Variants in CCT8 observed in about 807,000 individuals in gnomAD.
CCT8 encodes T-complex protein 1 subunit theta.
In CCT8, 10 loss-of-function variants were observed where a neutral mutation model predicts 65.7. The observed-to-expected ratio is 0.15, with a 90% CI of 0.09 to 0.26. The LOEUF (loss-of-function observed/expected upper bound fraction) is 0.26. Ranked by LOEUF, CCT8 falls within the 10% of genes least tolerant of loss-of-function variation. CCT8 has a pLI of 1.00. For missense variants in CCT8, 568 were observed against 669.1 expected (o/e 0.85, Z 1.67); for synonymous variants, 199 against 221.8 (o/e 0.90, Z 0.92).
chr21:29,069,478 T>A lies in CCT8; in HGVS notation c.176A>T (p.His59Leu). ...GTTTGTCACAAACAACTTCTCCAAG[T>A]GGTTGATAACCATTTTGTTCATTCC... is the stretch of plus-strand genomic sequence containing the variant. ...PNGMNKMVIN[H>L]LEKLFVTNDA... is the part of the protein sequence containing the mutation. The change falls in exon 3 of 15, where the codon CAC (histidine) becomes CTC (leucine). Residue 59 changes from histidine to leucine, a missense_variant. Coordinates refer to ENST00000286788, the MANE Select transcript of CCT8 (RefSeq NM_006585.4). 2 of 1,578,938 alleles carry A rather than the reference T, an allele frequency of 1.3e-6. No individual in the cohort carries two copies. The highest frequency in any genetic ancestry group is 1.7e-6 in the Non-Finnish European group (2 of 1,164,546).
intron 7 of CCT8, among the ~76,000 whole-genome samples, chr21:29,064,478 A>G (rs563607135): frequency 5.3e-5 from 8 of 150,178 alleles, no homozygotes; most frequent in African/African-American, 1.9e-4. Context: ...AAATGACCAG[A>G]CCCCCCTCAT....
At chr21:29,067,730 TA>T in intron 3 of CCT8, 25 bp from the exon 4 acceptor site, 1 of 1,332,932 alleles carries the variant, frequency 7.5e-7, no homozygotes, top group Admixed American at 3.0e-5. Context: ...AATATCAAGT[TA>T]AACATCTGAT....
At chr21:29,071,628 C>T (rs2085681353) in intron 1 of CCT8, among the ~76,000 whole-genome samples, 1 of 152,066 alleles carries the variant, frequency 6.6e-6, no homozygotes, top group Admixed American at 6.5e-5. Flanking sequence ...CTCAAGTGAT[C>T]CACTGACCTC....
In CCT8 at chr21:29,062,248, C is replaced by G; in HGVS notation, c.1097-5G>C. 1 of 1,611,008 alleles carries G rather than the reference C, an allele frequency of 6.2e-7. No individual in the cohort carries two copies. The highest frequency in any genetic ancestry group is 8.5e-7 in the Non-Finnish European group (1 of 1,177,536). On this transcript the variant is annotated splice_polypyrimidine_tract_variant and splice_region_variant and intron_variant, in intron 10 of 14. Coordinates refer to ENST00000286788, the MANE Select transcript of CCT8 (RefSeq NM_006585.4). ...AAATGGCGCCATCTTCCTTTTCTAT[C>G]AAAAAATTAAATATATTTGGTGATT...
chr21:29,073,450 T>G, intron 1 of CCT8, 81 bp downstream of exon 1: 2 of 1,607,002 alleles, frequency 1.2e-6, no homozygotes, highest in Non-Finnish European at 1.7e-6. Flanking sequence ...GCTCAGCCCG[T>G]TAGTAGGCCC....
Position 29,063,493 on chromosome 21 carries a change from T to C in CCT8, c.800A>G (p.Asn267Ser). Reference sequence around the variant, plus strand: ...GAGGTTTTCTTCTCCCTTACTAAAATTCATCAATTCTTCAGCAGTCTTTAT... The same window carrying C: ...GAGGTTTTCTTCTCCCTTACTAAAACTCATCAATTCTTCAGCAGTCTTTAT... ...VLIKTAEELMNFSKGEENLMD... is the reference protein window; with the variant it reads ...VLIKTAEELMSFSKGEENLMD... Residue 267 changes from asparagine (N) to serine (S), a missense_variant, in exon 8 of 15, where the codon AAT becomes AGT. Physicochemically the swap from Asn to Ser is conservative, Grantham distance 46. Transcript: ENST00000286788. 1 of 1,613,972 alleles carries C rather than the reference T, an allele frequency of 6.2e-7. No homozygotes were observed. Among genetic ancestry groups the C allele is most frequent in the Non-Finnish European group, 8.5e-7 (1 of 1,180,016 alleles).
At chr21:29,070,170 T>A in intron 2 of CCT8, 77 bp downstream of exon 2, 1 of 854,588 alleles carries the variant, frequency 1.2e-6, no homozygotes, top group Non-Finnish European at 1.8e-6. Context: ...CATAACATCC[T>A]CAGAACAAGT....
intron 3 of CCT8, among the ~76,000 whole-genome samples, chr21:29,068,472 T>C (rs28375019): frequency 6.6e-6 from 1 of 152,038 alleles, no homozygotes; most frequent in African/African-American, 2.4e-5. Flanking sequence ...TTTTTTTTTC[T>C]TTTTTGAGAT....
Position 29,072,200 on chromosome 21 carries a change from TACAG to T in CCT8, c.60+1327_60+1330del, listed in dbSNP as rs2085688616. The T allele has an allele frequency of 6.4e-6, 3 of 467,792 alleles. No individual in the cohort carries two copies. The Admixed American group carries it at 1.2e-4, about 18-fold the overall frequency. The allele number at this position is 467,792 out of a possible 1,614,324, so 29.0% of individuals were successfully genotyped here. ...TTCTGTCTATTCCTGATCCTTCTTTTACAGACATTTTTACCTCCTGTCATCCTCT... is the reference window on the plus strand; with the variant it reads ...TTCTGTCTATTCCTGATCCTTCTTTTACATTTTTACCTCCTGTCATCCTCT... On this transcript the variant is annotated intron_variant, in intron 1 of 14. Transcript: ENST00000286788.
Position 29,073,637 on chromosome 21 carries a change from G to C in CCT8, c.-47C>G, listed in dbSNP as rs936922097. 1.3e-6 allele frequency: 2 copies of C among 1,572,504 alleles called. No individual in the cohort carries two copies. The highest frequency in any genetic ancestry group is 8.7e-7 in the Non-Finnish European group (1 of 1,143,688). On this transcript the variant is annotated 5_prime_UTR_variant, in exon 1 of 15. Transcript: ENST00000286788. ...TCACGCGACCGCTCGGAAGACCGCG[G>C]AGGAAGCGAGGAGCACGCACAGCCT... is the stretch of plus-strand genomic sequence containing the variant.
intron 11 of CCT8, among the ~76,000 whole-genome samples, chr21:29,061,921 C>G (rs913977583): frequency 1.3e-5 from 2 of 152,168 alleles, no homozygotes; most frequent in Non-Finnish European, 2.9e-5. Flanking sequence ...TTGCTGTTAA[C>G]TCCTCTGTAC....
chr21:29,059,153 T>C (rs951076271), intron 14 of CCT8, among the ~76,000 whole-genome samples: 2 of 152,252 alleles, frequency 1.3e-5, no homozygotes, highest in African/African-American at 2.4e-5. Flanking sequence ...ACTAGTGAAA[T>C]AGACATTCCA....
chr21:29,059,092 C>T (rs185615619), intron 14 of CCT8, among the ~76,000 whole-genome samples: 2 of 152,224 alleles, frequency 1.3e-5, no homozygotes, highest in Non-Finnish European at 2.9e-5. Flanking sequence ...AACTGTCATT[C>T]TAACAAGTTC....
rs1234775599 is a variant in CCT8, at chr21:29,071,905, A to C, written c.61-1568T>G. The C allele has an allele frequency of 1.1e-5, 8 of 695,820 alleles. No individual in the cohort carries two copies. In the South Asian group the frequency reaches 1.2e-4, roughly 11 times the overall value. 43.1% of individuals were successfully genotyped at this position (695,820 alleles called of 1,614,324 possible). ...ATGCAAATCCCTTTTCAAGGAAACA[A>C]GGCCCTACGTATCCCGGCCCTTGTA... On this transcript the variant is annotated intron_variant, in intron 1 of 14. Coordinates refer to ENST00000286788, the MANE Select transcript of CCT8 (RefSeq NM_006585.4).
At chr21:29,069,131 CAG>C (rs1248199388) in intron 3 of CCT8, among the ~76,000 whole-genome samples, 1 of 152,172 alleles carries the variant, frequency 6.6e-6, no homozygotes, top group African/African-American at 2.4e-5. Context: ...TAATTCACTT[CAG>C]AGTCACCCTA....
rs371685397 is a variant in CCT8, at chr21:29,069,306, T to A, written c.231+117A>T. The A allele has an allele frequency of 1.2e-4, 63 of 535,642 alleles. No individual in the cohort carries two copies. In the East Asian group the frequency reaches 1.3e-3, roughly 11 times the overall value. 33.2% of individuals were successfully genotyped at this position (535,642 alleles called of 1,614,324 possible). A position where few individuals can be genotyped will look rare whatever the true frequency, so the allele number is the denominator to read the frequency against. On this transcript the variant is annotated intron_variant, in intron 3 of 14. Transcript: ENST00000286788. ...ATTAGAACAATCTGTACAATAAATT[T>A]TCAAGCTGGAAAAATAGTCCCTTAT...
In CCT8 at chr21:29,071,826, C is replaced by T. The variant is rs77368855; in HGVS notation, c.61-1489G>A. On this transcript the variant is annotated intron_variant, in intron 1 of 14. Transcript: ENST00000286788. ...GAGAAACTACCATTTGATCAGATCCCCTCATTCCCATACTTAAGACCCTTC... is the reference window on the plus strand; with the variant it reads ...GAGAAACTACCATTTGATCAGATCCTCTCATTCCCATACTTAAGACCCTTC... 1.7e-3 allele frequency: 1,112 copies of T among 641,720 alleles called. 11 individuals carry two copies. In the African/African-American group the frequency reaches 0.018, roughly 11 times the overall value. 39.8% of individuals were successfully genotyped at this position (641,720 alleles called of 1,614,324 possible).
At position 29,071,422 on chromosome 21, in the gene CCT8, G is replaced by A. The variant is rs559874950; in HGVS notation, c.61-1085C>T. On this transcript the variant is annotated intron_variant, in intron 1 of 14. Transcript: ENST00000286788. ...TGAGAGAGAGAGAGTCTCCTCTATCGCTCAGGCTGGAGTGCAGTGAGCTGA... is the reference window on the plus strand; with the variant it reads ...TGAGAGAGAGAGAGTCTCCTCTATCACTCAGGCTGGAGTGCAGTGAGCTGA... Among the ~76,000 whole-genome samples, 19 of 151,794 alleles carry A rather than the reference G, an allele frequency of 1.3e-4. 1 individual carries two copies. Among genetic ancestry groups the A allele is most frequent in the Middle Eastern group, 3.4e-3 (1 of 294 alleles).
At chr21:29,072,031 T>C (rs964968752) in intron 1 of CCT8, 30 of 693,620 alleles carry the variant, frequency 4.3e-5, no homozygotes, top group Non-Finnish European at 1.0e-5. Flanking sequence ...CAGGTCAAAA[T>C]CATTCCTTCC....
Sources: allele counts gnomAD v4.1 joint callset (sites outside exome capture counted in the v4.1 genomes callset), GRCh38; gene constraint gnomAD v4.1.1; transcripts MANE v1.5; gene names NCBI Gene and HGNC (gene_info 2026-07-23, HGNC 2026-07-21).